GABPB1: variants seen among roughly 807,000 people sequenced by gnomAD.
The protein encoded by GABPB1 is GA binding protein transcription factor subunit beta 1.
Under a neutral mutation model 45.9 loss-of-function variants are expected in GABPB1, and 15 were observed. The observed-to-expected ratio is 0.33, with a 90% confidence interval of 0.22 to 0.50. The LOEUF (loss-of-function observed/expected upper bound fraction) is 0.50, where lower values mean the gene tolerates loss of function less well. Among genes scored for constraint, GABPB1 ranks in the 20% least tolerant of loss-of-function variants. The pLI, the probability that GABPB1 is intolerant of heterozygous loss-of-function variation, is 0.98. For synonymous variants in GABPB1, 143 were observed against 154.4 expected (o/e 0.93, Z 0.55); for missense variants, 252 against 457.5 (o/e 0.55, Z 4.10).
At chr15:50,320,537 C>T (rs12909202) in intron 1 of GABPB1, among the ~76,000 whole-genome samples, 1 of 152,068 alleles carries the variant, frequency 6.6e-6, no homozygotes, top group South Asian at 2.1e-4. Context: ...CTGCACAGTA[C>T]TATGGAGTGT....
chr15:50,344,748 C>T (rs2048502129), intron 1 of GABPB1, among the ~76,000 whole-genome samples: 1 of 151,904 alleles, frequency 6.6e-6, no homozygotes, highest in Non-Finnish European at 1.5e-5. Flanking sequence ...TGAGGCAGGA[C>T]AATCGCTTGA....
chr15:50,281,786 T>C (rs1240318562), intron 8 of GABPB1, among the ~76,000 whole-genome samples: 1 of 152,126 alleles, frequency 6.6e-6, no homozygotes, highest in African/African-American at 2.4e-5. Flanking sequence ...CTTTGCCTTC[T>C]CCAGCCTTAG....
At chr15:50,294,337 A>G (rs1281086697) in intron 6 of GABPB1, among the ~76,000 whole-genome samples, 1 of 152,150 alleles carries the variant, frequency 6.6e-6, no homozygotes, top group East Asian at 1.9e-4. Flanking sequence ...AAGATGGTGA[A>G]ACCCCGTCTC....
intron 1 of GABPB1, among the ~76,000 whole-genome samples, chr15:50,326,099 G>A (rs542775748): frequency 2.4e-4 from 36 of 151,342 alleles, no homozygotes; most frequent in African/African-American, 8.0e-4. Context: ...TAGAGGCAGC[G>A]TTTCACCATG....
chr15:50,291,068 T>C (rs185482064), intron 6 of GABPB1, among the ~76,000 whole-genome samples: 3 of 152,332 alleles, frequency 2.0e-5, no homozygotes, highest in East Asian at 1.9e-4. Flanking sequence ...AATTTGACTA[T>C]ATGCAAAACA....
chr15:50,339,667 A>C (rs987220497), intron 1 of GABPB1, among the ~76,000 whole-genome samples: 4 of 146,144 alleles, frequency 2.7e-5, no homozygotes, highest in Non-Finnish European at 4.4e-5. Context: ...TTTTCTAAAA[A>C]TTAACTCAGA....
chr15:50,295,074 C>G (rs553668767), intron 6 of GABPB1, among the ~76,000 whole-genome samples: 34 of 152,318 alleles, frequency 2.2e-4, no homozygotes, highest in African/African-American at 8.2e-4. Flanking sequence ...GATAACTACA[C>G]TACAGATGTA....
Position 50,300,817 on chromosome 15 carries a change from A to T in GABPB1, c.669T>A (p.Ala223=). The T allele has an allele frequency of 6.2e-7, 1 of 1,611,510 alleles. No homozygotes were observed. ...ATLAALAEAS[A]PLSNSSETPV... ...GAGTTTCTGAAGAATTGGACAATGGAGCAGATGCTTCAGCTAAGGCAGCTA... is the reference window on the plus strand; with the variant it reads ...GAGTTTCTGAAGAATTGGACAATGGTGCAGATGCTTCAGCTAAGGCAGCTA... The change falls in exon 6 of 9, where the codon GCT becomes GCA. Residue 223 remains alanine (A), a synonymous_variant. Coordinates refer to ENST00000380877, the MANE Select transcript of GABPB1 (RefSeq NM_016654.5).
At chr15:50,343,784 G>A (rs910843120) in intron 1 of GABPB1, among the ~76,000 whole-genome samples, 21 of 152,020 alleles carry the variant, frequency 1.4e-4, no homozygotes, top group Admixed American at 3.3e-4. Context: ...TGATCTGCCC[G>A]CCTCGGCCTC....
chr15:50,278,995 C>A (rs2045895801), intron 8 of GABPB1, among the ~76,000 whole-genome samples: 1 of 152,040 alleles, frequency 6.6e-6, no homozygotes, highest in Admixed American at 6.6e-5. Context: ...GGATTAATTT[C>A]TGACTGCAAG....
intron 1 of GABPB1, among the ~76,000 whole-genome samples, chr15:50,311,392 C>G (rs983942595): frequency 3.3e-5 from 5 of 152,076 alleles, no homozygotes; most frequent in African/African-American, 1.2e-4. Flanking sequence ...AAAGTATATA[C>G]TCTGAGGGTT....
intron 1 of GABPB1, among the ~76,000 whole-genome samples, chr15:50,333,683 T>C (rs970746296): frequency 2.0e-5 from 3 of 152,202 alleles, no homozygotes; most frequent in African/African-American, 7.2e-5. Context: ...CAGGTAGTTT[T>C]CATTCCATAT....
chr15:50,329,120 T>C (rs181037010), intron 1 of GABPB1, among the ~76,000 whole-genome samples: 1 of 152,298 alleles, frequency 6.6e-6, no homozygotes, highest in Admixed American at 6.5e-5. Flanking sequence ...GTTACGCATG[T>C]CCCCTGCTCC....
At position 50,301,148 on chromosome 15, in the gene GABPB1, C is replaced by A. The variant is rs767270206; in HGVS notation, c.583+109G>T. ...TAGAATCTTACCCTCATTCTCCAAC[C>A]GTCCTTTCTTACAAGGATGAATACC... On this transcript the variant is annotated intron_variant, in intron 5 of 8. Coordinates refer to ENST00000380877, the MANE Select transcript of GABPB1 (RefSeq NM_016654.5). 77 of 1,433,240 alleles carry A rather than the reference C, an allele frequency of 5.4e-5. 1 individual carries two copies. Among genetic ancestry groups the A allele is most frequent in the Admixed American group, 4.9e-4 (23 of 46,950 alleles). The allele number at this position is 1,433,240 out of a possible 1,614,324, so 88.8% of individuals were successfully genotyped here. A position where few individuals can be genotyped will look rare whatever the true frequency, so the allele number is the denominator to read the frequency against.
chr15:50,285,612 A>T (rs918329123), intron 8 of GABPB1, among the ~76,000 whole-genome samples: 2 of 152,174 alleles, frequency 1.3e-5, no homozygotes, highest in Non-Finnish European at 2.9e-5. Context: ...TTGCCTTGAA[A>T]TAAGCAATTA....
chr15:50,292,816 C>A (rs923492512), intron 6 of GABPB1, among the ~76,000 whole-genome samples: 1 of 150,928 alleles, frequency 6.6e-6, no homozygotes, highest in Non-Finnish European at 1.5e-5. Context: ...AGCCTACTTT[C>A]ATATAACTTA....
At chr15:50,354,623 G>A (rs781032024) in intron 1 of GABPB1, 10 of 441,074 alleles carry the variant, frequency 2.3e-5, no homozygotes, top group African/African-American at 1.3e-4. Flanking sequence ...CGCTGCCTCG[G>A]CGCGACCCCA....
chr15:50,321,658 C>T (rs1010677317), intron 1 of GABPB1, among the ~76,000 whole-genome samples: 3 of 150,188 alleles, frequency 2.0e-5, no homozygotes, highest in South Asian at 2.1e-4. Flanking sequence ...GCCGAGATTC[C>T]GCCATTGCAC....
rs1307139406 is a variant in GABPB1 at position 50,321,976 on chromosome 15, T to A, written c.1-12178A>T. Among the ~76,000 whole-genome samples the A allele has an allele frequency of 3.9e-5, 4 of 102,510 alleles. 1 individual carries two copies. The highest frequency in any genetic ancestry group is 5.1e-3 in the Middle Eastern group (1 of 198). The allele number at this position is 102,510 out of a possible 152,430, so 67.3% of individuals were successfully genotyped here. A position where few individuals can be genotyped will look rare whatever the true frequency, so the allele number is the denominator to read the frequency against. On this transcript the variant is annotated intron_variant, in intron 1 of 8. Transcript: ENST00000380877. ...ATTGGCAGCAACTCAAATTAACAGA[T>A]GTGACCAAAAAAAAAAAAAAAATCT...
Sources: gnomAD v4.1 joint callset for allele counts (sites outside exome capture counted in the v4.1 genomes callset) on GRCh38, gnomAD v4.1.1 for gene constraint, MANE v1.5 for transcripts, NCBI Gene and HGNC (gene_info 2026-07-23, HGNC 2026-07-21) for gene names.